The following SKIC3 variants were observed in gnomAD, a reference collection of about 807,000 sequenced individuals.
SKIC3 encodes superkiller complex protein 3.
chr5:95,530,061 C>T, the SKIC3 span: 422 of 1,609,658 alleles, frequency 2.6e-4, 3 homozygotes, highest in African/African-American at 4.2e-3. Flanking sequence ...TTATACTTCA[C>T]GTTACATGCC....
chr5:95,541,669 C>T, the SKIC3 span: 2 of 672,166 alleles, frequency 3.0e-6, no homozygotes, highest in Non-Finnish European at 4.9e-6. Flanking sequence ...CTATTTTAAT[C>T]ACAAAAGATT....
the SKIC3 span, chr5:95,523,074 A>T: frequency 3.1e-6 from 4 of 1,276,164 alleles, no homozygotes; most frequent in African/African-American, 5.9e-5. Flanking sequence ...AATAAACACC[A>T]ATCAATCATA....
At chr5:95,515,221 G>C in the SKIC3 span, among the ~76,000 whole-genome samples, 1 of 152,098 alleles carries the variant, frequency 6.6e-6, no homozygotes, top group Admixed American at 6.6e-5. Flanking sequence ...CCATTAGATA[G>C]CCATAGGTTT....
the SKIC3 span, among the ~76,000 whole-genome samples, chr5:95,484,543 C>T: frequency 7.8e-3 from 1,190 of 151,988 alleles, 17 homozygotes; most frequent in African/African-American, 0.027. Flanking sequence ...GACAGCCTCT[C>T]GCTATGTTGC....
chr5:95,520,199 C>G, the SKIC3 span, among the ~76,000 whole-genome samples: 1,753 of 151,944 alleles, frequency 0.012, 34 homozygotes, highest in African/African-American at 0.04. Flanking sequence ...CAAATCTACT[C>G]AAAATTTTCT....
At chr5:95,522,832 T>C in the SKIC3 span, among the ~76,000 whole-genome samples, 3 of 152,298 alleles carry the variant, frequency 2.0e-5, no homozygotes, top group South Asian at 6.2e-4. Context: ...ATGACTCAAA[T>C]TGATCATATA....
the SKIC3 span, chr5:95,503,879 A>C: frequency 1.9e-6 from 3 of 1,614,044 alleles, no homozygotes; most frequent in Admixed American, 5.0e-5. Flanking sequence ...GATGTCTTCT[A>C]ACACTTCAAG....
At chr5:95,499,779 A>G in the SKIC3 span, among the ~76,000 whole-genome samples, 2 of 152,198 alleles carry the variant, frequency 1.3e-5, no homozygotes, top group South Asian at 2.1e-4. Flanking sequence ...TATATCCACT[A>G]TACTCCAAAC....
the SKIC3 span, chr5:95,482,355 G>C: frequency 5.5e-6 from 6 of 1,083,410 alleles, no homozygotes; most frequent in Admixed American, 3.4e-5. Context: ...TCTTGAAACT[G>C]AGAGATAACA....
At chr5:95,490,552 C>T in the SKIC3 span, among the ~76,000 whole-genome samples, 5 of 148,412 alleles carry the variant, frequency 3.4e-5, no homozygotes, top group African/African-American at 1.0e-4. Context: ...GGCTGGAGAG[C>T]GGTGGCGCAA....
At chr5:95,492,596 C>T in the SKIC3 span, among the ~76,000 whole-genome samples, 1 of 99,284 alleles carries the variant, frequency 1.0e-5, no homozygotes, top group South Asian at 3.9e-4. Flanking sequence ...GAGATCCCGC[C>T]ACTGCACTCC....
chr5:95,496,660 C>G, the SKIC3 span, among the ~76,000 whole-genome samples: 3 of 152,032 alleles, frequency 2.0e-5, no homozygotes, highest in African/African-American at 7.3e-5. Context: ...CAAATTATTC[C>G]TACAAATAAT....
the SKIC3 span, chr5:95,546,958 C>T: frequency 1.7e-6 from 2 of 1,178,488 alleles, no homozygotes; most frequent in Admixed American, 1.7e-5. Context: ...AATGGCCTTA[C>T]CACTTTTGCT....
chr5:95,530,214 T>C, the SKIC3 span: 7 of 1,613,268 alleles, frequency 4.3e-6, no homozygotes, highest in Non-Finnish European at 5.9e-6. Flanking sequence ...CTGCTGCCCC[T>C]CATCAGTAAG....
the SKIC3 span, among the ~76,000 whole-genome samples, chr5:95,543,646 C>T: frequency 6.6e-6 from 1 of 152,214 alleles, no homozygotes; most frequent in Non-Finnish European, 1.5e-5. Context: ...ATCATCCTGC[C>T]TGTCTCCATA....
At chr5:95,544,093 C>T in the SKIC3 span, among the ~76,000 whole-genome samples, 1 of 152,198 alleles carries the variant, frequency 6.6e-6, no homozygotes, top group Non-Finnish European at 1.5e-5. Context: ...TGTTTCCACA[C>T]AACACTCCTA....
chr5:95,536,586 CACTG>C, the SKIC3 span: 81 of 464,516 alleles, frequency 1.7e-4, 1 homozygote, highest in Middle Eastern at 5.7e-4. Context: ...AAAAAGATTT[CACTG>C]ACTAACAATA....
the SKIC3 span, among the ~76,000 whole-genome samples, chr5:95,467,252 G>A: frequency 1.4e-4 from 22 of 152,102 alleles, no homozygotes; most frequent in East Asian, 3.1e-3. Flanking sequence ...TTATAGGAAC[G>A]CATTAATAGA....
At chr5:95,494,757 T>C in the SKIC3 span, 2 of 1,613,820 alleles carry the variant, frequency 1.2e-6, no homozygotes, top group Non-Finnish European at 1.7e-6. Context: ...CTGCTTCCCA[T>C]AGCCAACTGA....
Sources: allele counts gnomAD v4.1 joint callset (sites outside exome capture counted in the v4.1 genomes callset), GRCh38; gene constraint gnomAD v4.1.1; transcripts MANE v1.5; gene names NCBI Gene and HGNC (gene_info 2026-07-23, HGNC 2026-07-21).